NEDD4L: variants seen among roughly 807,000 people sequenced by gnomAD.
NEDD4L encodes NEDD4 like E3 ubiquitin protein ligase.
NEDD4L carries 54 observed loss-of-function variants against 148.9 expected under a neutral mutation model. The ratio of observed to expected loss-of-function variants is 0.36; its 90% CI spans 0.29 to 0.45. The LOEUF is 0.45. Ranked by LOEUF, NEDD4L falls within the 20% of genes least tolerant of loss-of-function variation. The pLI is 1.00. For synonymous variants in NEDD4L, 433 were observed against 440.7 expected (o/e 0.98, Z 0.22); for missense variants, 856 against 1,233.8 (o/e 0.69, Z 4.59).
intron 5 of NEDD4L, among the ~76,000 whole-genome samples, chr18:58,274,626 C>A (rs1412399339): frequency 6.6e-6 from 1 of 152,212 alleles, no homozygotes; most frequent in East Asian, 1.9e-4. Context: ...TCACCATATT[C>A]TTAAAAGTTG....
At chr18:58,177,156 A>G (rs1292821063) in intron 2 of NEDD4L, among the ~76,000 whole-genome samples, 9 of 151,640 alleles carry the variant, frequency 5.9e-5, no homozygotes, top group Non-Finnish European at 1.0e-4. Flanking sequence ...CCTCTCCTTT[A>G]TCTTCCGCTG....
At chr18:58,054,547 A>G (rs186583658) in intron 1 of NEDD4L, among the ~76,000 whole-genome samples, 83 of 152,310 alleles carry the variant, frequency 5.4e-4, no homozygotes, top group Admixed American at 1.9e-3. Flanking sequence ...GCGCTGAGTA[A>G]TGATTGCACC....
At chr18:58,147,909 C>G (rs1169958195) in intron 1 of NEDD4L, among the ~76,000 whole-genome samples, 2 of 152,136 alleles carry the variant, frequency 1.3e-5, no homozygotes, top group African/African-American at 4.8e-5. Context: ...AGTGACTGCT[C>G]TGTCCACAGG....
At chr18:58,274,535 G>A (rs1266723111) in intron 5 of NEDD4L, among the ~76,000 whole-genome samples, 1 of 152,124 alleles carries the variant, frequency 6.6e-6, no homozygotes, top group Non-Finnish European at 1.5e-5. Context: ...TGCCCCCAAG[G>A]GAGTTGAAAG....
rs576032224 is a variant in NEDD4L, at chr18:58,264,048, C to T, written c.297+11994C>T. ...ATAGGACCTTACTGATTATGCTTTT[C>T]CACTTGAATAAAAGAGATATTAAGT... On this transcript the variant is annotated intron_variant, in intron 5 of 30. Transcript: ENST00000400345. Among the ~76,000 whole-genome samples, 11 of 152,086 alleles carry T rather than the reference C, an allele frequency of 7.2e-5. 1 individual carries two copies. In the South Asian group the frequency reaches 1.0e-3, roughly 14 times the overall value.
intron 5 of NEDD4L, among the ~76,000 whole-genome samples, chr18:58,272,986 A>AG (rs1244008856): frequency 2.0e-5 from 3 of 152,228 alleles, no homozygotes; most frequent in Admixed American, 2.0e-4. Context: ...AAGAGAGGTA[A>AG]GGAAACCCCC....
rs539576552 is a variant in NEDD4L, at chr18:58,375,752, C to A, written c.2352+2483C>A. ...GGCTCAGCATGTAGTTGATGCCTGC[C>A]AGTGCTCATTGAGCAAACGAATGAG... On this transcript the variant is annotated intron_variant, in intron 24 of 30. Coordinates refer to ENST00000400345, the MANE Select transcript of NEDD4L (RefSeq NM_001144967.3). Among the ~76,000 whole-genome samples the A allele has an allele frequency of 2.0e-5, 3 of 152,226 alleles. No individual in the cohort carries two copies. In the South Asian group the frequency reaches 6.2e-4, roughly 32 times the overall value.
chr18:58,197,020 G>A (rs901788234), intron 2 of NEDD4L, among the ~76,000 whole-genome samples: 108 of 152,204 alleles, frequency 7.1e-4, no homozygotes, highest in African/African-American at 2.4e-3. Context: ...AAACCGTGGC[G>A]GTCGGTAATG....
intron 18 of NEDD4L, among the ~76,000 whole-genome samples, chr18:58,354,484 A>T (rs892259085): frequency 6.6e-6 from 1 of 151,820 alleles, no homozygotes; most frequent in Non-Finnish European, 1.5e-5. Flanking sequence ...CCATACTTTC[A>T]TACATTGACC....
intron 1 of NEDD4L, among the ~76,000 whole-genome samples, chr18:58,060,733 T>C (rs1598991018): frequency 1.3e-5 from 2 of 152,178 alleles, no homozygotes; most frequent in South Asian, 4.2e-4. Context: ...CACCCTTCCT[T>C]CTCCCCTAGG....
At chr18:58,284,915 C>G (rs1221262614) in intron 5 of NEDD4L, among the ~76,000 whole-genome samples, 1 of 152,172 alleles carries the variant, frequency 6.6e-6, no homozygotes, top group African/African-American at 2.4e-5. Flanking sequence ...CATGGGCCAG[C>G]TCCTGTAACT....
At chr18:58,116,867 A>C (rs2085877636) in intron 1 of NEDD4L, among the ~76,000 whole-genome samples, 1 of 152,260 alleles carries the variant, frequency 6.6e-6, no homozygotes, top group Non-Finnish European at 1.5e-5. Flanking sequence ...CAATACAGCA[A>C]GGAGCGGGGG....
At chr18:58,228,747 C>G (rs1439944685) in intron 2 of NEDD4L, among the ~76,000 whole-genome samples, 2 of 152,154 alleles carry the variant, frequency 1.3e-5, no homozygotes, top group Non-Finnish European at 1.5e-5. Context: ...TGTGAGCCCC[C>G]TCCAAGGAAA....
chr18:58,154,533 C>G (rs2035212033), intron 1 of NEDD4L, among the ~76,000 whole-genome samples: 1 of 152,224 alleles, frequency 6.6e-6, no homozygotes, highest in Non-Finnish European at 1.5e-5. Context: ...CACCCACACT[C>G]CTAGCACTTT....
chr18:58,247,134 G>A (rs55869207), intron 3 of NEDD4L: 4 of 152,192 alleles, frequency 2.6e-5, no homozygotes, highest in Non-Finnish European at 5.9e-5. Context: ...CTTTAGAGGC[G>A]GGTGCTTAGA....
chr18:58,326,326 C>T (rs957932482), intron 9 of NEDD4L, among the ~76,000 whole-genome samples: 1 of 152,206 alleles, frequency 6.6e-6, no homozygotes, highest in Non-Finnish European at 1.5e-5. Context: ...CCAGCACGGG[C>T]ATTAGCTCAG....
chr18:58,142,045 T>C (rs966472350), intron 1 of NEDD4L, among the ~76,000 whole-genome samples: 10 of 122,876 alleles, frequency 8.1e-5, no homozygotes, highest in East Asian at 6.8e-4. Context: ...TCTTTCTTTT[T>C]TTTTTTTTTT....
intron 1 of NEDD4L, among the ~76,000 whole-genome samples, chr18:58,111,240 G>A (rs2085401917): frequency 6.6e-6 from 1 of 152,124 alleles, no homozygotes; most frequent in Non-Finnish European, 1.5e-5. Context: ...GCTAGTTTTT[G>A]TATTTTTAGT....
chr18:58,141,765 A>G (rs1332224878), intron 1 of NEDD4L, among the ~76,000 whole-genome samples: 1 of 152,204 alleles, frequency 6.6e-6, no homozygotes, highest in Non-Finnish European at 1.5e-5. Flanking sequence ...GGAATATTTG[A>G]AAAGTATACC....
Sources: gnomAD v4.1 joint callset for allele counts (sites outside exome capture counted in the v4.1 genomes callset) on GRCh38, gnomAD v4.1.1 for gene constraint, MANE v1.5 for transcripts, NCBI Gene and HGNC (gene_info 2026-07-23, HGNC 2026-07-21) for gene names.